The following ABCA6 variants were observed in gnomAD, a reference collection of about 807,000 sequenced individuals.
The protein encoded by ABCA6 is ATP binding cassette subfamily A member 6, also known as ATP-binding cassette sub-family A member 6.
Under a neutral mutation model 191.2 loss-of-function variants are expected in ABCA6, and 164 were observed. The ratio of observed to expected loss-of-function variants is 0.86; its 90% CI spans 0.76 to 0.98. The LOEUF (loss-of-function observed/expected upper bound fraction) is 0.98. Among genes scored for constraint, ABCA6 ranks in the 50% least tolerant of loss-of-function variants. The pLI, the probability that ABCA6 is intolerant of heterozygous loss-of-function variation, is 0.00. For synonymous variants in ABCA6, 636 were observed against 647.7 expected (o/e 0.98, Z 0.27); for missense variants, 1,958 against 1,894.1 (o/e 1.03, Z -0.63).
intron 31 of ABCA6, 30 bp from the exon 32 acceptor site, chr17:69,085,212 A>C: frequency 6.3e-7 from 1 of 1,578,508 alleles, no homozygotes; most frequent in Non-Finnish European, 8.6e-7. Flanking sequence ...TTAGAAAGGC[A>C]TGCAGCCTTT....
intron 25 of ABCA6, among the ~76,000 whole-genome samples, chr17:69,094,099 C>T (rs943321662): frequency 6.6e-6 from 1 of 152,160 alleles, no homozygotes; most frequent in South Asian, 2.1e-4. Context: ...TTCTCAGTGT[C>T]ATGTCTGATT....
At chr17:69,137,883 C>T (rs1449086360) in intron 2 of ABCA6, among the ~76,000 whole-genome samples, 1 of 152,072 alleles carries the variant, frequency 6.6e-6, no homozygotes, top group Non-Finnish European at 1.5e-5. Flanking sequence ...GTTGTCATAT[C>T]CTTGTATTGT....
At chr17:69,135,342 T>C (rs866655627) in intron 4 of ABCA6, 12 of 152,630 alleles carry the variant, frequency 7.9e-5, no homozygotes, top group African/African-American at 2.9e-4. Flanking sequence ...ACTCCTTGTT[T>C]CTTGACATTC....
At chr17:69,110,704 GAA>G in intron 17 of ABCA6, 95 bp downstream of exon 17, 1 of 1,416,504 alleles carries the variant, frequency 7.1e-7, no homozygotes, top group Non-Finnish European at 9.4e-7. Flanking sequence ...CCAAAACTAA[GAA>G]AAAGTCTAAA....
At position 69,079,083 on chromosome 17, in the gene ABCA6, G is replaced by C; in HGVS notation, c.4753-9C>G. ...GAAAGCTCTAAGAATACCTAATTAG[G>C]AGACAAAGAAGAAGGAAAGAAGGAA... On this transcript the variant is annotated splice_polypyrimidine_tract_variant and intron_variant, in intron 38 of 38. Transcript: ENST00000284425. The C allele has an allele frequency of 6.3e-7, 1 of 1,589,636 alleles. No individual in the cohort carries two copies. Among genetic ancestry groups the C allele is most frequent in the Non-Finnish European group, 8.6e-7 (1 of 1,162,596 alleles).
Position 69,091,269 on chromosome 17 carries a change from G to C in ABCA6, c.3409-7C>G. 3 of 1,608,558 alleles carry C rather than the reference G, an allele frequency of 1.9e-6. No individual in the cohort carries two copies. The highest frequency in any genetic ancestry group is 2.5e-6 in the Non-Finnish European group (3 of 1,178,968). ...AAAACATGATGGTGGAGGCCTACAA[G>C]GCAAGTTCAAATATATTGTATCAGA... On this transcript the variant is annotated splice_region_variant and splice_polypyrimidine_tract_variant and intron_variant, in intron 25 of 38. Transcript: ENST00000284425.
chr17:69,085,578 G>C (rs370814264), intron 31 of ABCA6, 47 bp downstream of exon 31: 1 of 1,240,172 alleles, frequency 8.1e-7, no homozygotes, highest in Admixed American at 1.9e-5. Flanking sequence ...TAATCTATAC[G>C]TATCATGAAA....
In ABCA6 at chr17:69,096,247, A is replaced by G. The variant is rs773194850; in HGVS notation, c.3401T>C (p.Phe1134Ser). The change falls in exon 25 of 39, where the codon TTC becomes TCC. Residue 1134 changes from phenylalanine to serine, a missense_variant. Phe to Ser is a radical substitution (Grantham distance 155, BLOSUM62 -2). Transcript: ENST00000284425. ...TATGTATTATATACTTACAAAAAAG[A>G]AGTAAAATGACCAAAGGCCACTGTT... is the stretch of plus-strand genomic sequence containing the variant. ...RKNSGLWSFY[F>S]FFASTIMFSI... 5.5e-6 allele frequency: 8 copies of G among 1,446,570 alleles called. No homozygotes were observed. The highest frequency in any genetic ancestry group is 7.5e-6 in the Non-Finnish European group (8 of 1,070,000). 89.6% of individuals were successfully genotyped at this position (1,446,570 alleles called of 1,614,324 possible).
intron 9 of ABCA6, among the ~76,000 whole-genome samples, chr17:69,123,694 T>C (rs1166509606): frequency 1.3e-5 from 2 of 152,082 alleles, no homozygotes; most frequent in Admixed American, 1.3e-4. Context: ...GAGGTTCGAA[T>C]AAAATATTAG....
chr17:69,120,021 C>G (rs1003584786), intron 10 of ABCA6, among the ~76,000 whole-genome samples: 1 of 151,976 alleles, frequency 6.6e-6, no homozygotes, highest in Non-Finnish European at 1.5e-5. Context: ...AACTTAAGTA[C>G]AGTCTGATAC....
chr17:69,103,054 G>T (rs1459475647), intron 20 of ABCA6, 86 bp from the exon 21 acceptor site: 3 of 790,146 alleles, frequency 3.8e-6, no homozygotes, highest in Non-Finnish European at 5.8e-6. Flanking sequence ...CATAATTAAA[G>T]TTAATATTTA....
intron 11 of ABCA6, 101 bp from the exon 12 acceptor site, chr17:69,115,587 G>A: frequency 1.4e-6 from 1 of 710,812 alleles, no homozygotes. Context: ...TAGTTTAGTG[G>A]CATATTTCTC....
intron 10 of ABCA6, among the ~76,000 whole-genome samples, chr17:69,122,318 C>T (rs935776289): frequency 6.6e-6 from 1 of 152,010 alleles, no homozygotes. Flanking sequence ...CTATTTAAAG[C>T]GCTGATCCAT....
At position 69,085,197 on chromosome 17, in the gene ABCA6, G is replaced by C. The variant is rs1354008319; in HGVS notation, c.4030-15C>G. 6.3e-7 allele frequency: 1 copy of C among 1,596,658 alleles called. No individual in the cohort carries two copies. Among genetic ancestry groups the C allele is most frequent in the African/African-American group, 1.3e-5 (1 of 74,302 alleles). On this transcript the variant is annotated splice_polypyrimidine_tract_variant and intron_variant, in intron 31 of 38. Coordinates refer to ENST00000284425, the MANE Select transcript of ABCA6 (RefSeq NM_080284.3). ...TTCAGTTCCACCTAAAAAAATAAAA[G>C]AGCTTTAGAAAGGCATGCAGCCTTT...
chr17:69,078,986 G>T lies in ABCA6; in HGVS notation c.4841C>A (p.Ser1614Ter). ...AGGTTTGAGGTTTTAAGGTTCATCT[G>T]AATGAGGGAGGAGTTTCCATCTCAT... ...TTMRWKLLPHSDEP is the reference protein window; with the variant it reads ...TTMRWKLLPH Residue 1614 changes from serine to a stop codon, truncating the protein, a stop_gained, in exon 39 of 39, where the codon TCA (serine) becomes TAA (stop). Transcript: ENST00000284425. LOFTEE classifies it high-confidence loss of function. The T allele has an allele frequency of 6.2e-7, 1 of 1,609,210 alleles. No homozygotes were observed.
chr17:69,103,059 T>C, intron 20 of ABCA6, 91 bp from the exon 21 acceptor site: 2 of 744,536 alleles, frequency 2.7e-6, no homozygotes, highest in Non-Finnish European at 4.2e-6. Context: ...TTAAAGTTAA[T>C]ATTTATGGAA....
intron 10 of ABCA6, among the ~76,000 whole-genome samples, chr17:69,118,858 C>A (rs1250440709): frequency 6.6e-6 from 1 of 151,934 alleles, no homozygotes; most frequent in Non-Finnish European, 1.5e-5. Context: ...CTAATGCTGA[C>A]CCCACCCTTT....
Position 69,087,480 on chromosome 17 carries a change from A to T in ABCA6, c.3699-7T>A. 1 of 1,613,344 alleles carries T rather than the reference A, an allele frequency of 6.2e-7. No individual in the cohort carries two copies. On this transcript the variant is annotated splice_polypyrimidine_tract_variant and splice_region_variant and intron_variant, in intron 28 of 38. Coordinates refer to ENST00000284425, the MANE Select transcript of ABCA6 (RefSeq NM_080284.3). ...TCTACTTTGGGGGGAAATTCTATGG[A>T]GAAAATGAAATGTGTTACATGTGGT...
chr17:69,090,135 A>T (rs970708441), intron 26 of ABCA6, among the ~76,000 whole-genome samples: 1 of 152,236 alleles, frequency 6.6e-6, no homozygotes, highest in East Asian at 1.9e-4. Flanking sequence ...AAGCAAAGGG[A>T]TTAGTTTCTA....
Sources: allele counts gnomAD v4.1 joint callset (sites outside exome capture counted in the v4.1 genomes callset), GRCh38; gene constraint gnomAD v4.1.1; transcripts MANE v1.5; gene names NCBI Gene and HGNC (gene_info 2026-07-23, HGNC 2026-07-21).